HELZ: variants seen among roughly 807,000 people sequenced by gnomAD.
HELZ encodes the protein ATP-dependent RNA helicase with zinc finger domain.
Under a neutral mutation model 218.2 loss-of-function variants are expected in HELZ, and 23 were observed. The ratio of observed to expected loss-of-function variants is 0.11; its 90% CI spans 0.08 to 0.15. The LOEUF (loss-of-function observed/expected upper bound fraction) is 0.15. Ranked by LOEUF, HELZ falls within the 10% of genes least tolerant of loss-of-function variation. The pLI is 1.00. For synonymous variants in HELZ, 814 were observed against 829.4 expected (o/e 0.98, Z 0.32); for missense variants, 1,813 against 2,353.7 (o/e 0.77, Z 4.75).
chr17:67,215,627 G>A (rs1422671401), intron 5 of HELZ, among the ~76,000 whole-genome samples: 1 of 152,124 alleles, frequency 6.6e-6, no homozygotes, highest in African/African-American at 2.4e-5. Context: ...GATTACAGGT[G>A]TGAGCCACCA....
Position 67,107,402 on chromosome 17 carries a change from C to T in HELZ, c.5008G>A (p.Ala1670Thr). The change falls in exon 31 of 33, where the codon GCC (alanine) becomes ACC (threonine). Residue 1670 changes from alanine (A) to threonine (T), a missense_variant. This residue lies in a region of HELZ where 938 missense variants were observed against 1,027.5 expected (regional missense o/e 0.91). Coordinates refer to ENST00000358691, the MANE Select transcript of HELZ (RefSeq NM_014877.4). ...GCCAGGTATTTCAAGGGAGGAGGGG[C>T]AAGGTGTTCAGATGGCAACGAGAAA... ...SPFSLPSEHL[A>T]PPPLKYLAPD... 6.2e-7 allele frequency: 1 copy of T among 1,614,080 alleles called. No homozygotes were observed. Among genetic ancestry groups the T allele is most frequent in the South Asian group, 1.1e-5 (1 of 91,078 alleles).
chr17:67,095,786 A>G (rs546189272), intron 31 of HELZ, among the ~76,000 whole-genome samples: 16 of 152,334 alleles, frequency 1.1e-4, no homozygotes, highest in Admixed American at 1.0e-3. Context: ...TCACAACAAG[A>G]AAGCGTTTTT....
chr17:67,082,794 A>G (rs1029923035), intron 32 of HELZ, among the ~76,000 whole-genome samples: 10 of 151,890 alleles, frequency 6.6e-5, no homozygotes, highest in Admixed American at 5.2e-4. Flanking sequence ...TTACTTTATT[A>G]AGACTTATTT....
intron 12 of HELZ, among the ~76,000 whole-genome samples, chr17:67,184,245 G>C (rs555894251): frequency 1.9e-4 from 29 of 152,302 alleles, no homozygotes; most frequent in Admixed American, 1.9e-3. Context: ...GTCTCTAAGA[G>C]GGAAATAATG....
intron 2 of HELZ, among the ~76,000 whole-genome samples, chr17:67,242,186 C>T (rs1270989844): frequency 6.6e-6 from 1 of 152,102 alleles, no homozygotes; most frequent in Non-Finnish European, 1.5e-5. Flanking sequence ...GAGGCCAAGG[C>T]GGGCAGATCA....
At chr17:67,135,098 A>G (rs2143934994) in intron 23 of HELZ, among the ~76,000 whole-genome samples, 1 of 152,182 alleles carries the variant, frequency 6.6e-6, no homozygotes, top group Admixed American at 6.5e-5. Context: ...ATAAAGAAAG[A>G]TTTTGGTGTG....
intron 13 of HELZ, among the ~76,000 whole-genome samples, chr17:67,171,842 T>A (rs942128543): frequency 1.3e-5 from 2 of 152,012 alleles, no homozygotes; most frequent in African/African-American, 4.8e-5. Flanking sequence ...GTTTTGTTTT[T>A]TTTTTTGAGA....
intron 8 of HELZ, 84 bp from the exon 9 acceptor site, chr17:67,194,126 C>T (rs1485292615): frequency 1.0e-5 from 9 of 889,970 alleles, no homozygotes; most frequent in Admixed American, 8.5e-5. Context: ...TACTACAATC[C>T]CTCCACATAC....
At chr17:67,213,350 G>A (rs1002182965) in intron 5 of HELZ, among the ~76,000 whole-genome samples, 3 of 152,150 alleles carry the variant, frequency 2.0e-5, no homozygotes, top group Admixed American at 6.5e-5. Context: ...TAGGCCGGGC[G>A]CAGTGGCTCA....
intron 31 of HELZ, among the ~76,000 whole-genome samples, chr17:67,097,622 T>A (rs564307887): frequency 2.0e-5 from 3 of 152,328 alleles, no homozygotes; most frequent in African/African-American, 7.2e-5. Context: ...ATATTACATC[T>A]CAGAGAAAAA....
Position 67,235,863 on chromosome 17 carries a change from C to T in HELZ, c.-19+3570G>A, listed in dbSNP as rs1157311538. Among the ~76,000 whole-genome samples, 4 of 150,822 alleles carry T rather than the reference C, an allele frequency of 2.7e-5. No individual in the cohort carries two copies. The Admixed American group carries it at 2.7e-4, about 10-fold the overall frequency. ...GCAAGCTCCACCTCCCGGGTTCACA[C>T]CATTCTCCTGCCTCAGACTCCCGAG... is the stretch of plus-strand genomic sequence containing the variant. On this transcript the variant is annotated intron_variant, in intron 3 of 32. Transcript: ENST00000358691.
At chr17:67,230,595 CAAAA>C (rs376918246) in intron 3 of HELZ, among the ~76,000 whole-genome samples, 1 of 111,468 alleles carries the variant, frequency 9.0e-6, no homozygotes, top group Non-Finnish European at 1.7e-5. Flanking sequence ...GACTCCATCT[CAAAA>C]AAAAAAAAAA....
intron 12 of HELZ, among the ~76,000 whole-genome samples, chr17:67,187,174 T>A (rs760728327): frequency 3.3e-5 from 5 of 152,196 alleles, no homozygotes; most frequent in African/African-American, 4.8e-5. Context: ...TTTTATCAAC[T>A]ACCATATCTA....
At chr17:67,242,840 GAAA>G (rs1013945018) in intron 2 of HELZ, among the ~76,000 whole-genome samples, 1 of 118,588 alleles carries the variant, frequency 8.4e-6, no homozygotes, top group Non-Finnish European at 1.8e-5. Flanking sequence ...CCTCAATCTA[GAAA>G]AAAAAAAAAG....
intron 3 of HELZ, among the ~76,000 whole-genome samples, chr17:67,231,747 T>C (rs565273002): frequency 5.3e-5 from 8 of 151,778 alleles, no homozygotes; most frequent in African/African-American, 1.9e-4. Context: ...TCTAAAATTA[T>C]TACAAAATGA....
rs183639853 is a variant in HELZ, at chr17:67,120,195, G to A, written c.3838+210C>T. ...ATTTTTTTGTATTTTTAGTAGAGATGGGATTTCACCGTGTTAGCCAGGATG... is the reference window on the plus strand; with the variant it reads ...ATTTTTTTGTATTTTTAGTAGAGATAGGATTTCACCGTGTTAGCCAGGATG... On this transcript the variant is annotated intron_variant, in intron 27 of 32. Transcript: ENST00000358691. Among the ~76,000 whole-genome samples the A allele has an allele frequency of 6.0e-5, 9 of 151,138 alleles. No individual in the cohort carries two copies. In the South Asian group the frequency reaches 1.0e-3, roughly 18 times the overall value.
At chr17:67,186,005 A>T (rs2039743630) in intron 12 of HELZ, among the ~76,000 whole-genome samples, 1 of 152,158 alleles carries the variant, frequency 6.6e-6, no homozygotes, top group Admixed American at 6.5e-5. Flanking sequence ...TCAAAACATC[A>T]ATCATCTTGG....
At chr17:67,240,597 C>T (rs1665968715) in intron 2 of HELZ, among the ~76,000 whole-genome samples, 1 of 152,170 alleles carries the variant, frequency 6.6e-6, no homozygotes, top group African/African-American at 2.4e-5. Flanking sequence ...AAGGCAAATT[C>T]AGATGTGACA....
chr17:67,137,582 T>C (rs1598300215), intron 22 of HELZ, among the ~76,000 whole-genome samples: 2 of 152,252 alleles, frequency 1.3e-5, no homozygotes, highest in Admixed American at 1.3e-4. Flanking sequence ...CTTAGAAAAG[T>C]CTATACATAA....
Sources: gnomAD v4.1 joint callset for allele counts (sites outside exome capture counted in the v4.1 genomes callset) on GRCh38, gnomAD v4.1.1 for gene constraint, gnomAD v4.1.1 regional missense constraint, MANE v1.5 for transcripts, NCBI Gene and HGNC (gene_info 2026-07-23, HGNC 2026-07-21) for gene names.